KIF13A: variants seen among roughly 807,000 people sequenced by gnomAD.
The protein encoded by KIF13A is kinesin-like protein KIF13A.
A neutral mutation model predicts 212.2 loss-of-function variants in KIF13A; 79 were observed. The ratio of observed to expected loss-of-function variants is 0.37; its 90% CI spans 0.31 to 0.45. The LOEUF (loss-of-function observed/expected upper bound fraction) is 0.45, where lower values mean the gene tolerates loss of function less well. Among genes scored for constraint, KIF13A ranks in the 20% least tolerant of loss-of-function variants. The probability of loss-of-function intolerance (pLI) is 1.00; values close to 1 mark genes in which losing one functional copy is unlikely to be tolerated. For synonymous variants in KIF13A, 789 were observed against 808.6 expected, an observed-to-expected ratio of 0.98 and a Z score of 0.41; for missense variants, 1,901 against 2,209.0, an observed-to-expected ratio of 0.86 and a Z score of 2.79.
chr6:17,955,393 C>G (rs889662153), intron 2 of KIF13A, among the ~76,000 whole-genome samples: 1 of 152,200 alleles, frequency 6.6e-6, no homozygotes, highest in Non-Finnish European at 1.5e-5. Context: ...GAAGTGCTCC[C>G]TTGAGTAACT....
chr6:17,965,807 T>A (rs1241713175), intron 2 of KIF13A, among the ~76,000 whole-genome samples: 1 of 152,234 alleles, frequency 6.6e-6, no homozygotes, highest in Non-Finnish European at 1.5e-5. Context: ...ACTCATCAAA[T>A]TATTTGCTTG....
rs1425525386 is a variant in KIF13A at position 17,826,732 on chromosome 6, G to A, written c.1533-608C>T. ...AACAACTGAAAAAGAAAACTGATGAGACAACTGGGGAAATCTGAACACTGA... is the reference window on the plus strand; with the variant it reads ...AACAACTGAAAAAGAAAACTGATGAAACAACTGGGGAAATCTGAACACTGA... On this transcript the variant is annotated intron_variant, in intron 14 of 38. Transcript: ENST00000259711. This position sits in a 1 kb window ranked among gnomAD's most constrained non-coding sequence, Gnocchi z 4.7. Among the ~76,000 whole-genome samples the A allele has an allele frequency of 6.6e-6, 1 of 152,090 alleles. No individual in the cohort carries two copies.
At chr6:17,831,512 G>C (rs1242728839) in intron 12 of KIF13A, among the ~76,000 whole-genome samples, 1 of 150,946 alleles carries the variant, frequency 6.6e-6, no homozygotes, top group Non-Finnish European at 1.5e-5. Context: ...CAAAAGAGGA[G>C]AGTGTTGTGC....
chr6:17,907,804 A>G (rs1773655051), intron 2 of KIF13A, among the ~76,000 whole-genome samples: 1 of 152,228 alleles, frequency 6.6e-6, no homozygotes, highest in African/African-American at 2.4e-5. Flanking sequence ...AGCTGGAAGA[A>G]TAGACAAGAA....
rs199768381 is a variant in KIF13A at position 17,915,946 on chromosome 6, AAT to A, written c.147-17768_147-17767del. On this transcript the variant is annotated intron_variant, in intron 2 of 38. Coordinates refer to ENST00000259711, the MANE Select transcript of KIF13A (RefSeq NM_022113.6). This position sits in a 1 kb window ranked among gnomAD's most constrained non-coding sequence, Gnocchi z 4.4. ...ACAGAGAGCCAGTCTCAAAAAAAAAAATAAAAATAAAAATAAAATAAAATAAA... is the reference window on the plus strand; with the variant it reads ...ACAGAGAGCCAGTCTCAAAAAAAAAAAAAAATAAAAATAAAATAAAATAAA... Among the ~76,000 whole-genome samples the A allele has an allele frequency of 5.0e-4, 65 of 130,812 alleles. No individual in the cohort carries two copies. Among genetic ancestry groups the A allele is most frequent in the East Asian group, 4.7e-3 (17 of 3,584 alleles). 85.8% of individuals were successfully genotyped at this position (130,812 alleles called of 152,430 possible).
At chr6:17,894,394 A>C (rs891459292) in intron 3 of KIF13A, among the ~76,000 whole-genome samples, 1 of 152,222 alleles carries the variant, frequency 6.6e-6, no homozygotes, top group African/African-American at 2.4e-5. Context: ...CGGGGATCAC[A>C]GGCGTGAGTC....
intron 3 of KIF13A, among the ~76,000 whole-genome samples, chr6:17,874,993 G>GCACACA (rs770255576): frequency 5.8e-5 from 3 of 51,408 alleles, no homozygotes; most frequent in Non-Finnish European, 1.2e-4. Context: ...ACACACACAC[G>GCACACA]CACACGCACG....
At chr6:17,893,127 T>TG (rs951240400) in intron 3 of KIF13A, among the ~76,000 whole-genome samples, 11 of 152,236 alleles carry the variant, frequency 7.2e-5, no homozygotes, top group African/African-American at 2.4e-4. Context: ...TTTGGAGAAT[T>TG]GGAGAATTTA....
rs1255620007 is a variant in KIF13A at position 17,872,252 on chromosome 6, C to T, written c.220+1125G>A. 2.0e-5 allele frequency among the ~76,000 whole-genome samples: 3 copies of T among 152,162 alleles called. No homozygotes were observed. Among genetic ancestry groups the T allele is most frequent in the Non-Finnish European group, 2.9e-5 (2 of 68,022 alleles). ...AGGAAAAACCTATCAATAAACAAAA[C>T]ATTAATTTTCTTTAAACTAGTCATG... On this transcript the variant is annotated intron_variant, in intron 4 of 38. Coordinates refer to ENST00000259711, the MANE Select transcript of KIF13A (RefSeq NM_022113.6). This position sits in a 1 kb window ranked among gnomAD's most constrained non-coding sequence, Gnocchi z 4.7.
intron 2 of KIF13A, among the ~76,000 whole-genome samples, chr6:17,901,462 T>TAAACA (rs1343415363): frequency 6.6e-6 from 1 of 152,152 alleles, no homozygotes; most frequent in Non-Finnish European, 1.5e-5. Flanking sequence ...GGTTTCTACA[T>TAAACA]AAACAAAACA....
intron 2 of KIF13A, among the ~76,000 whole-genome samples, chr6:17,916,825 T>C (rs372903653): frequency 6.8e-4 from 104 of 152,302 alleles, no homozygotes; most frequent in African/African-American, 2.4e-3. Context: ...TTGCAGATTC[T>C]CCTATTAATA....
At chr6:17,976,514 A>G (rs1030035236) in intron 2 of KIF13A, among the ~76,000 whole-genome samples, 2 of 151,964 alleles carry the variant, frequency 1.3e-5, no homozygotes, top group African/African-American at 4.8e-5. Context: ...CCCACCCAGA[A>G]CTCCAGCTGG....
At chr6:17,812,381 T>A (rs12198677) in intron 17 of KIF13A, 29,060 of 151,934 alleles carry the variant, frequency 0.19, 2,937 homozygotes, top group South Asian at 0.32. Flanking sequence ...CCCCTTTCTG[T>A]CCATCGGTTC....
At chr6:17,878,243 C>G (rs953388702) in intron 3 of KIF13A, among the ~76,000 whole-genome samples, 1 of 152,280 alleles carries the variant, frequency 6.6e-6, no homozygotes, top group South Asian at 2.1e-4. Flanking sequence ...AAAAGCATGA[C>G]AGCCAGATGG....
rs77001949 is a variant in KIF13A, at chr6:17,765,192, C to T, written c.4582-246G>A. On this transcript the variant is annotated intron_variant, in intron 38 of 38. Coordinates refer to ENST00000259711, the MANE Select transcript of KIF13A (RefSeq NM_022113.6). The stretch of plus-strand genomic sequence containing the variant: ...GAAGGGGATTTAGTTCTTTTAGGCT[C>T]ACTCAGTGCTAATTAGAAATCATTC... 7.2e-5 allele frequency among the ~76,000 whole-genome samples: 11 copies of T among 152,320 alleles called. 1 individual carries two copies. In the East Asian group the frequency reaches 2.1e-3, roughly 29 times the overall value.
intron 2 of KIF13A, among the ~76,000 whole-genome samples, chr6:17,977,342 T>G (rs1180813698): frequency 6.6e-6 from 1 of 152,206 alleles, no homozygotes; most frequent in Non-Finnish European, 1.5e-5. Flanking sequence ...TGTAAGAGAA[T>G]AGTTCACGTT....
In KIF13A at chr6:17,947,050, TA is replaced by T. The variant is rs1374456703; in HGVS notation, c.146+40003del. Among the ~76,000 whole-genome samples the T allele has an allele frequency of 2.6e-5, 4 of 152,110 alleles. No individual in the cohort carries two copies. Among genetic ancestry groups the T allele is most frequent in the African/African-American group, 9.7e-5 (4 of 41,438 alleles). ...GCTATTTTAAAAACAGATGAGCAAA[TA>T]AAGTGTGACGAAAAGTTCAAAAAGT... is the stretch of plus-strand genomic sequence containing the variant. On this transcript the variant is annotated intron_variant, in intron 2 of 38. Transcript: ENST00000259711. The surrounding 1 kb of genome is among the most constrained non-coding windows in gnomAD (Gnocchi z 4.6).
At position 17,777,198 on chromosome 6, in the gene KIF13A, C is replaced by T; in HGVS notation, c.4170+79G>A. The stretch of plus-strand genomic sequence containing the variant: ...ACCAGTTCCATAAGCTCTACTGCCA[C>T]TGTGTGAATCCCACCTTCCCCCACC... On this transcript the variant is annotated intron_variant, in intron 34 of 38. Coordinates refer to ENST00000259711, the MANE Select transcript of KIF13A (RefSeq NM_022113.6). The surrounding 1 kb of genome is among the most constrained non-coding windows in gnomAD (Gnocchi z 4.4). 2.7e-6 allele frequency: 3 copies of T among 1,113,418 alleles called. No homozygotes were observed. The highest frequency in any genetic ancestry group is 1.3e-5 in the South Asian group (1 of 75,622). The allele number at this position is 1,113,418 out of a possible 1,614,324, so 69.0% of individuals were successfully genotyped here.
chr6:17,833,873 A>AAAAAAAAAT, intron 12 of KIF13A, 88 bp downstream of exon 12: 1 of 650,358 alleles, frequency 1.5e-6, no homozygotes, highest in Non-Finnish European at 2.4e-6. Context: ...AAAAAAAAAA[A>AAAAAAAAAT]GACTTTCTGA....
Sources: allele counts gnomAD v4.1 joint callset (sites outside exome capture counted in the v4.1 genomes callset), GRCh38; gene constraint gnomAD v4.1.1; non-coding constraint Gnocchi (gnomAD v3.1); transcripts MANE v1.5; gene names NCBI Gene and HGNC (gene_info 2026-07-23, HGNC 2026-07-21).